TET3: variants seen among roughly 807,000 people sequenced by gnomAD.
TET3 encodes the protein methylcytosine dioxygenase TET3.
In TET3, 19 loss-of-function variants were observed where a neutral mutation model predicts 141.4. The ratio of observed to expected loss-of-function variants is 0.13; its 90% CI spans 0.09 to 0.20. TET3 has a LOEUF of 0.20. Ranked by LOEUF, TET3 falls within the 10% of genes least tolerant of loss-of-function variation. The pLI is 1.00. For missense variants in TET3, 1,874 were observed against 2,356.9 expected (o/e 0.80, Z 4.24); for synonymous variants, 1,043 against 980.9 (o/e 1.06, Z -1.18).
At chr2:74,100,204 C>T (rs936208877) in intron 11 of TET3, among the ~76,000 whole-genome samples, 189 bp from the exon 12 acceptor site, 1 of 152,150 alleles carries the variant, frequency 6.6e-6, no homozygotes, top group African/African-American at 2.4e-5. Context: ...GGGCTGGGGC[C>T]TGTGCTGAGC....
chr2:74,009,930 G>A (rs1297792157), intron 3 of TET3, among the ~76,000 whole-genome samples: 1 of 152,230 alleles, frequency 6.6e-6, no homozygotes, highest in Non-Finnish European at 1.5e-5. Flanking sequence ...TGGAAGCTCT[G>A]GGCAGGTGGG....
At chr2:73,992,664 G>C (rs558639821) in intron 2 of TET3, among the ~76,000 whole-genome samples, 1 of 152,226 alleles carries the variant, frequency 6.6e-6, no homozygotes, top group Admixed American at 6.5e-5. Flanking sequence ...GCCCAGCCTG[G>C]TGAACTCATG....
At chr2:74,120,198 C>A in the TET3 span, among the ~76,000 whole-genome samples, 3 of 152,200 alleles carry the variant, frequency 2.0e-5, no homozygotes, top group Admixed American at 1.3e-4. Flanking sequence ...TCTAGGCGCC[C>A]GGCTCCCGGC....
chr2:73,995,799 G>C (rs1484678623), intron 2 of TET3, among the ~76,000 whole-genome samples: 1 of 152,214 alleles, frequency 6.6e-6, no homozygotes, highest in Non-Finnish European at 1.5e-5. Context: ...GGAAATAGCT[G>C]TCTGAATTGG....
At chr2:74,099,051 A>C (rs577616768) in intron 10 of TET3, among the ~76,000 whole-genome samples, 2 of 152,172 alleles carry the variant, frequency 1.3e-5, no homozygotes, top group Admixed American at 6.5e-5. Flanking sequence ...GGATCATAGG[A>C]GATAATGTGC....
intron 4 of TET3, among the ~76,000 whole-genome samples, chr2:74,067,527 A>G (rs13387010): frequency 0.31 from 46,899 of 152,160 alleles, 7,715 homozygotes; most frequent in African/African-American, 0.41. Context: ...CAAGATCAGT[A>G]TTTGTTATTC....
chr2:74,021,381 G>A (rs1289535128), intron 3 of TET3, among the ~76,000 whole-genome samples: 3 of 152,348 alleles, frequency 2.0e-5, no homozygotes, highest in Non-Finnish European at 4.4e-5. Flanking sequence ...TAGGGCTTTA[G>A]CCCACCCGTT....
chr2:74,119,352 C>CAAA, the TET3 span, among the ~76,000 whole-genome samples: 2 of 107,628 alleles, frequency 1.9e-5, no homozygotes, highest in Admixed American at 9.2e-5. Flanking sequence ...GACTCTATCT[C>CAAA]AAAAAAAAAA....
At chr2:74,080,111 T>C (rs1175028937) in intron 5 of TET3, among the ~76,000 whole-genome samples, 2 of 152,234 alleles carry the variant, frequency 1.3e-5, no homozygotes, top group East Asian at 3.8e-4. Flanking sequence ...TCATTTGTTA[T>C]ATTTATAAAT....
the TET3 span, among the ~76,000 whole-genome samples, chr2:74,116,423 C>T: frequency 2.0e-4 from 30 of 152,278 alleles, no homozygotes; most frequent in African/African-American, 7.0e-4. Flanking sequence ...TGGCTCATGC[C>T]TGTAATCCCA....
At chr2:74,088,710 T>C (rs1015262369) in intron 7 of TET3, among the ~76,000 whole-genome samples, 4 of 152,118 alleles carry the variant, frequency 2.6e-5, no homozygotes, top group African/African-American at 7.2e-5. Flanking sequence ...TATATTTATT[T>C]ACAATAAAAT....
At chr2:74,031,408 C>A (rs975819924) in intron 3 of TET3, among the ~76,000 whole-genome samples, 1 of 152,122 alleles carries the variant, frequency 6.6e-6, no homozygotes, top group Non-Finnish European at 1.5e-5. Flanking sequence ...TGCCTAGGTT[C>A]CTGTTCTGTT....
At chr2:73,992,760 A>G (rs1684400976) in intron 2 of TET3, among the ~76,000 whole-genome samples, 1 of 152,202 alleles carries the variant, frequency 6.6e-6, no homozygotes, top group Non-Finnish European at 1.5e-5. Context: ...TCTCAAAGAG[A>G]TTTTGAAAAT....
At chr2:73,986,808 A>G (rs1684050261) in intron 2 of TET3, 102 bp downstream of exon 2, 5 of 1,077,136 alleles carry the variant, frequency 4.6e-6, no homozygotes, top group Non-Finnish European at 4.7e-6. Flanking sequence ...CCATTCTCTC[A>G]TTTCTGATCC....
chr2:74,095,447 C>T (rs1690769486), intron 10 of TET3, among the ~76,000 whole-genome samples: 1 of 152,186 alleles, frequency 6.6e-6, no homozygotes, highest in Non-Finnish European at 1.5e-5. Context: ...GGAGTATTTT[C>T]TTCCAAAATG....
chr2:74,101,278 GGCAGCA>G lies in TET3; in HGVS notation c.4492_4497del (p.Gln1498_Gln1499del). 1 of 1,612,662 alleles carries G rather than the reference GGCAGCA, an allele frequency of 6.2e-7. No homozygotes were observed. The highest frequency in any genetic ancestry group is 1.7e-5 in the Admixed American group (1 of 59,814). ...CAGTGGGGGCTGTTCCCCGGTGAGGGGCAGCAGGCAGCTTCCCACTCTGGAGGACGG... is the reference window on the plus strand; with the variant it reads ...CAGTGGGGGCTGTTCCCCGGTGAGGGGGCAGCTTCCCACTCTGGAGGACGG... On this transcript the variant is annotated inframe_deletion, in exon 12 of 12. Transcript: ENST00000409262. This position sits in a 1 kb window ranked among gnomAD's most constrained non-coding sequence, Gnocchi z 8.5.
intron 3 of TET3, among the ~76,000 whole-genome samples, chr2:74,043,793 C>T (rs1295942196): frequency 6.6e-6 from 1 of 152,162 alleles, no homozygotes; most frequent in Non-Finnish European, 1.5e-5. Context: ...ACCCTAGTTT[C>T]CCACCACACT....
chr2:74,025,234 A>T (rs968144445), intron 3 of TET3, among the ~76,000 whole-genome samples: 18 of 151,546 alleles, frequency 1.2e-4, no homozygotes, highest in African/African-American at 4.1e-4. Context: ...AAAAAAAAAA[A>T]AAAAAAAGTA....
At chr2:74,135,330 T>TCTA in the TET3 span, 912 of 382,720 alleles carry the variant, frequency 2.4e-3, 2 homozygotes, top group Middle Eastern at 5.9e-3. Flanking sequence ...ATTCTCTCTC[T>TCTA]GTAGCAGGAC....
Sources: gnomAD v4.1 joint callset for allele counts (sites outside exome capture counted in the v4.1 genomes callset) on GRCh38, gnomAD v4.1.1 for gene constraint, Gnocchi (gnomAD v3.1) non-coding constraint, MANE v1.5 for transcripts, NCBI Gene and HGNC (gene_info 2026-07-23, HGNC 2026-07-21) for gene names.